Variants in SLC35F4 observed in about 807,000 individuals in gnomAD.
SLC35F4 encodes chromosome 14 open reading frame 36.
In SLC35F4, 24 loss-of-function variants were observed where a neutral mutation model predicts 44.2. The ratio of observed to expected loss-of-function variants is 0.54; its 90% CI spans 0.39 to 0.76. The LOEUF is 0.76. Among genes scored for constraint, SLC35F4 ranks in the 30% least tolerant of loss-of-function variants. SLC35F4 has a pLI of 0.00. For missense variants in SLC35F4, 562 were observed against 586.1 expected (o/e 0.96, Z 0.42); for synonymous variants, 238 against 223.6 (o/e 1.06, Z -0.57).
chr14:57,955,581 C>A (rs1403604207), intron 1 of SLC35F4, among the ~76,000 whole-genome samples: 1 of 152,222 alleles, frequency 6.6e-6, no homozygotes, highest in Non-Finnish European at 1.5e-5. Flanking sequence ...TGATAAGCAA[C>A]TTCAGCAAAG....
At chr14:57,625,365 G>A (rs572161681) in intron 1 of SLC35F4, among the ~76,000 whole-genome samples, 2 of 152,254 alleles carry the variant, frequency 1.3e-5, no homozygotes, top group Non-Finnish European at 2.9e-5. Flanking sequence ...TCATAAAAAT[G>A]GCCATACTGC....
intron 1 of SLC35F4, among the ~76,000 whole-genome samples, chr14:57,886,802 G>A (rs1397208717): frequency 6.6e-6 from 1 of 152,082 alleles, no homozygotes; most frequent in East Asian, 1.9e-4. Context: ...AGGGAAAGGA[G>A]TTGTGTAAAG....
At chr14:57,593,853 C>G in intron 2 of SLC35F4, 86 bp downstream of exon 2, 4 of 1,448,692 alleles carry the variant, frequency 2.8e-6, no homozygotes, top group Non-Finnish European at 3.8e-6. Flanking sequence ...CGTGTAACAT[C>G]TCTGCATTCT....
At position 57,593,999 on chromosome 14, in the gene SLC35F4, G is replaced by A; in HGVS notation, c.229C>T (p.Leu77Phe). ...ACTCCTGAGGATCCTTGGTTTTGAA[G>A]TTCAAGAATAGGAGCAGAGGAATCT... ...TEDSSAPILE[L>F]QNQGSSGVCG... The change falls in exon 2 of 8, where the codon CTT becomes TTT. Residue 77 changes from leucine (L) to phenylalanine (F), a missense_variant. Physicochemically the swap from Leu to Phe is conservative, Grantham distance 22. Coordinates refer to ENST00000556826, the MANE Select transcript of SLC35F4 (RefSeq NM_001306087.2). 1 of 1,613,904 alleles carries A rather than the reference G, an allele frequency of 6.2e-7. No individual in the cohort carries two copies. The highest frequency in any genetic ancestry group is 8.5e-7 in the Non-Finnish European group (1 of 1,179,856).
intron 1 of SLC35F4, among the ~76,000 whole-genome samples, chr14:57,826,993 C>T (rs557988179): frequency 1.3e-5 from 2 of 152,078 alleles, no homozygotes; most frequent in African/African-American, 4.8e-5. Flanking sequence ...TTTGACCCAG[C>T]AATCCCATTA....
chr14:57,727,409 G>T (rs1956686), intron 1 of SLC35F4, among the ~76,000 whole-genome samples: 59,735 of 150,842 alleles, frequency 0.4, 11,796 homozygotes, highest in Middle Eastern at 0.42. Flanking sequence ...ACTTATTTTT[G>T]CTCTGATTTT....
chr14:57,689,139 A>G (rs2140326180), intron 1 of SLC35F4, among the ~76,000 whole-genome samples: 1 of 152,312 alleles, frequency 6.6e-6, no homozygotes. Flanking sequence ...AGCATTCCAC[A>G]AAATGAACTA....
chr14:57,636,512 G>A (rs2140145632), intron 1 of SLC35F4, among the ~76,000 whole-genome samples: 1 of 152,158 alleles, frequency 6.6e-6, no homozygotes, highest in South Asian at 2.1e-4. Flanking sequence ...TAACAGGTGA[G>A]AAAAGCAAAG....
chr14:57,606,269 G>A (rs557253490), intron 1 of SLC35F4, among the ~76,000 whole-genome samples: 6 of 152,220 alleles, frequency 3.9e-5, no homozygotes, highest in Admixed American at 3.9e-4. Context: ...CTTTTAGGTG[G>A]CAAGATACTG....
intron 1 of SLC35F4, among the ~76,000 whole-genome samples, chr14:57,830,735 T>C (rs140487992): frequency 6.6e-6 from 1 of 152,276 alleles, no homozygotes; most frequent in African/African-American, 2.4e-5. Flanking sequence ...ACTTTATCTA[T>C]GAGGAGGGAA....
intron 1 of SLC35F4, among the ~76,000 whole-genome samples, chr14:57,677,963 G>T (rs1271945529): frequency 6.6e-6 from 1 of 152,046 alleles, no homozygotes; most frequent in South Asian, 2.1e-4. Flanking sequence ...GATGACATTT[G>T]CCTTGCTAGG....
At chr14:57,826,233 CA>C (rs1300885958) in intron 1 of SLC35F4, among the ~76,000 whole-genome samples, 1 of 151,910 alleles carries the variant, frequency 6.6e-6, no homozygotes, top group Non-Finnish European at 1.5e-5. Flanking sequence ...ATCTGATCTA[CA>C]AAAAGCTCAC....
chr14:57,608,800 C>A (rs113483739), intron 1 of SLC35F4, among the ~76,000 whole-genome samples: 1 of 7,962 alleles, frequency 1.3e-4, no homozygotes, highest in African/African-American at 2.3e-4. Flanking sequence ...GGGGGGGCGG[C>A]GGGGGGAGAG....
At chr14:57,564,735 A>C (rs569181495) in intron 7 of SLC35F4, among the ~76,000 whole-genome samples, 1 of 152,336 alleles carries the variant, frequency 6.6e-6, no homozygotes, top group South Asian at 2.1e-4. Context: ...TCTTTTTAAA[A>C]ATTTAATTGA....
At chr14:57,745,684 C>T (rs146752906) in intron 1 of SLC35F4, among the ~76,000 whole-genome samples, 7,946 of 152,254 alleles carry the variant, frequency 0.052, 238 homozygotes, top group African/African-American at 0.089. Context: ...GGCGATTCCT[C>T]AAGGATCTAG....
chr14:57,594,099 T>C lies in SLC35F4; in HGVS notation c.129A>G (p.Arg43=). ...QKSTSRSSVT[R]CKPGANCPSS... Reference sequence around the variant, plus strand: ...TGGGGCAGTTGGCTCCTGGTTTACATCTAGTGACTGATGATCTGGAGGTAC... The same window carrying C: ...TGGGGCAGTTGGCTCCTGGTTTACACCTAGTGACTGATGATCTGGAGGTAC... Residue 43 remains arginine, a synonymous_variant, in exon 2 of 8, where the codon AGA becomes AGG. Coordinates refer to ENST00000556826, the MANE Select transcript of SLC35F4 (RefSeq NM_001306087.2). 6.2e-7 allele frequency: 1 copy of C among 1,613,882 alleles called. No homozygotes were observed. Among genetic ancestry groups the C allele is most frequent in the Non-Finnish European group, 8.5e-7 (1 of 1,179,844 alleles).
At chr14:57,805,761 A>G (rs559201853) in intron 1 of SLC35F4, among the ~76,000 whole-genome samples, 1 of 152,326 alleles carries the variant, frequency 6.6e-6, no homozygotes, top group East Asian at 1.9e-4. Context: ...CATCCTTCAC[A>G]TGTACCCCTG....
At chr14:57,615,421 T>C (rs2071757523) in intron 1 of SLC35F4, among the ~76,000 whole-genome samples, 1 of 152,208 alleles carries the variant, frequency 6.6e-6, no homozygotes, top group Admixed American at 6.5e-5. Context: ...GGAGTGTATT[T>C]TCCAAGAGAA....
chr14:57,946,558 T>G (rs1373004835), intron 1 of SLC35F4, among the ~76,000 whole-genome samples: 1 of 139,462 alleles, frequency 7.2e-6, no homozygotes, highest in Non-Finnish European at 1.5e-5. Flanking sequence ...CACTGCAACC[T>G]CTGCCTCTCA....
Sources: allele counts gnomAD v4.1 joint callset (sites outside exome capture counted in the v4.1 genomes callset), GRCh38; gene constraint gnomAD v4.1.1; transcripts MANE v1.5; gene names NCBI Gene and HGNC (gene_info 2026-07-23, HGNC 2026-07-21).